Variants in SUPT16H observed in about 807,000 individuals in gnomAD.
The protein encoded by SUPT16H is FACT complex subunit SPT16.
SUPT16H carries 24 observed loss-of-function variants against 136.2 expected under a neutral mutation model. That is an observed-to-expected ratio of 0.18 (90% confidence interval 0.13 to 0.25). The LOEUF (loss-of-function observed/expected upper bound fraction) is 0.25, where lower values mean the gene tolerates loss of function less well. Among genes scored for constraint, SUPT16H ranks in the 10% least tolerant of loss-of-function variants. SUPT16H has a pLI of 1.00. For missense variants in SUPT16H, 623 were observed against 1,270.2 expected, an observed-to-expected ratio of 0.49 and a Z score of 7.74; for synonymous variants, 415 against 428.2, an observed-to-expected ratio of 0.97 and a Z score of 0.38.
Position 21,363,254 on chromosome 14 carries a change from T to C in SUPT16H, c.1374A>G (p.Ala458=), listed in dbSNP as rs754182349. Residue 458 remains alanine, a synonymous_variant, in exon 12 of 26, where the codon GCA becomes GCG. Coordinates refer to ENST00000216297, the MANE Select transcript of SUPT16H (RefSeq NM_007192.4). ...EDLLGRGSRA[A]LLTERTRNEM... ...TTACTCTTGTTCTTTCTGTAAGTAA[T>C]GCTGCCCGAGAACCTCTTCCCAAAA... The C allele has an allele frequency of 1.9e-6, 3 of 1,614,066 alleles. No homozygotes were observed. The highest frequency in any genetic ancestry group is 1.7e-5 in the Admixed American group (1 of 60,006).
intron 19 of SUPT16H, 152 bp downstream of exon 19, chr14:21,359,332 G>C (rs1886502222): frequency 9.8e-7 from 1 of 1,022,984 alleles, no homozygotes; most frequent in Admixed American, 2.7e-5. Flanking sequence ...TGACCCTCAG[G>C]TGATCTGCCC....
intron 1 of SUPT16H, among the ~76,000 whole-genome samples, chr14:21,375,662 C>T (rs1340591698): frequency 3.3e-5 from 5 of 152,104 alleles, no homozygotes; most frequent in African/African-American, 7.2e-5. Context: ...GGCACGATCT[C>T]GGCTCACTGC....
intron 20 of SUPT16H, 50 bp from the exon 21 acceptor site, chr14:21,358,052 C>T: frequency 1.3e-6 from 2 of 1,517,402 alleles, no homozygotes; most frequent in Non-Finnish European, 1.8e-6. Flanking sequence ...AGAGACTGCT[C>T]CTACCACAAC....
At position 21,365,410 on chromosome 14, in the gene SUPT16H, C is replaced by G. The variant is rs1339880473; in HGVS notation, c.1047-267G>C. On this transcript the variant is annotated intron_variant, in intron 8 of 25. Transcript: ENST00000216297. ...TTATTTGCCCACATTTAAACTTTAA[C>G]CTTCTACCATAAAATCAAGTCAGTA... 2.0e-5 allele frequency among the ~76,000 whole-genome samples: 3 copies of G among 152,074 alleles called. No individual in the cohort carries two copies. In the East Asian group the frequency reaches 5.8e-4, roughly 29 times the overall value.
At chr14:21,358,063 AGACAAAC>A (rs1886473087) in intron 20 of SUPT16H, 61 bp from the exon 21 acceptor site, 1 of 1,460,654 alleles carries the variant, frequency 6.8e-7, no homozygotes, top group Non-Finnish European at 9.6e-7. Flanking sequence ...CTACCACAAC[AGACAAAC>A]TTCTTCCCTC....
At chr14:21,372,117 A>G in intron 2 of SUPT16H, 73 bp from the exon 3 acceptor site, 1 of 1,463,868 alleles carries the variant, frequency 6.8e-7, no homozygotes, top group Non-Finnish European at 9.1e-7. Flanking sequence ...GATATACAGA[A>G]ATACTTATAG....
intron 6 of SUPT16H, among the ~76,000 whole-genome samples, 198 bp from the exon 7 acceptor site, chr14:21,368,639 AC>A (rs914382687): frequency 1.6e-4 from 24 of 152,210 alleles, no homozygotes; most frequent in African/African-American, 5.8e-4. Flanking sequence ...AAAGTCAGTG[AC>A]CAAAACTTTT....
intron 22 of SUPT16H, among the ~76,000 whole-genome samples, chr14:21,356,972 G>T (rs995293846): frequency 6.6e-6 from 1 of 152,138 alleles, no homozygotes; most frequent in Non-Finnish European, 1.5e-5. Flanking sequence ...CTTAGATTTT[G>T]ATTTTCTTTG....
At position 21,352,824 on chromosome 14, in the gene SUPT16H, T is replaced by C. The variant is rs1472804207; in HGVS notation, c.2999-6A>G. 2 of 1,613,994 alleles carry C rather than the reference T, an allele frequency of 1.2e-6. No individual in the cohort carries two copies. The highest frequency in any genetic ancestry group is 2.7e-5 in the African/African-American group (2 of 74,908). On this transcript the variant is annotated splice_region_variant and splice_polypyrimidine_tract_variant and intron_variant, in intron 25 of 25. Coordinates refer to ENST00000216297, the MANE Select transcript of SUPT16H (RefSeq NM_007192.4). ...GTAACGACTTTCTCGGTCCGCTAAATAGAAGAGGCATTATTAGTTAGCAAT... is the reference window on the plus strand; with the variant it reads ...GTAACGACTTTCTCGGTCCGCTAAACAGAAGAGGCATTATTAGTTAGCAAT...
In SUPT16H at chr14:21,352,656, G is replaced by A. The variant is rs1158803668; in HGVS notation, c.*17C>T. ...TTGGCTGGAGGAAGAATGGAGCTCAGGGCCAAAGTTCAGAAGTTACTTCCT... is the reference window on the plus strand; with the variant it reads ...TTGGCTGGAGGAAGAATGGAGCTCAAGGCCAAAGTTCAGAAGTTACTTCCT... On this transcript the variant is annotated 3_prime_UTR_variant, in exon 26 of 26. Coordinates refer to ENST00000216297, the MANE Select transcript of SUPT16H (RefSeq NM_007192.4). 2.5e-6 allele frequency: 4 copies of A among 1,613,730 alleles called. No individual in the cohort carries two copies. In the South Asian group the frequency reaches 4.4e-5, roughly 18 times the overall value.
chr14:21,360,306 G>C lies in SUPT16H; in HGVS notation c.2175+109C>G, dbSNP rs1211939723. ...GCCTCCCAAAGTGCTGGGATTGTGGGCATGAGCCACCGCGCCCAGCCCTTT... is the reference window on the plus strand; with the variant it reads ...GCCTCCCAAAGTGCTGGGATTGTGGCCATGAGCCACCGCGCCCAGCCCTTT... On this transcript the variant is annotated intron_variant, in intron 18 of 25. Coordinates refer to ENST00000216297, the MANE Select transcript of SUPT16H (RefSeq NM_007192.4). The C allele has an allele frequency of 3.6e-6, 3 of 835,246 alleles. No homozygotes were observed. The African/African-American group carries it at 5.2e-5, about 15-fold the overall frequency. 51.7% of individuals were successfully genotyped at this position (835,246 alleles called of 1,614,324 possible).
rs60476539 is a variant in SUPT16H at position 21,376,547 on chromosome 14, T to C, written c.67-3117A>G. 4.6e-3 allele frequency among the ~76,000 whole-genome samples: 699 copies of C among 152,298 alleles called. 2 individuals carry two copies. The highest frequency in any genetic ancestry group is 0.014 in the African/African-American group (577 of 41,566). Reference sequence around the variant, plus strand: ...CATAGAAATTATATGCCTTTTCTCATTGATTTTCAGTAAGAAATGTTTTCC... The same window carrying C: ...CATAGAAATTATATGCCTTTTCTCACTGATTTTCAGTAAGAAATGTTTTCC... On this transcript the variant is annotated intron_variant, in intron 1 of 25. Transcript: ENST00000216297.
rs761022577 is a variant in SUPT16H at position 21,369,852 on chromosome 14, C to G, written c.528G>C (p.Glu176Asp). 1.2e-6 allele frequency: 2 copies of G among 1,614,026 alleles called. No individual in the cohort carries two copies. The highest frequency in any genetic ancestry group is 4.5e-5 in the East Asian group (2 of 44,888). ...TCTTCATTAGGTTGAGCTCCCCATCCTCCTTTACAGCGATGGTATATGCCA... is the reference window on the plus strand; with the variant it reads ...TCTTCATTAGGTTGAGCTCCCCATCGTCCTTTACAGCGATGGTATATGCCA... ...AVVAYTIAVK[E>D]DGELNLMKKA... The change falls in exon 5 of 26, where the codon GAG becomes GAC. Residue 176 changes from glutamate to aspartate, a missense_variant. Glu to Asp is a conservative substitution (Grantham distance 45, BLOSUM62 2). This residue lies in a region of SUPT16H where 343 missense variants were observed against 525.7 expected (regional missense o/e 0.65). Transcript: ENST00000216297.
intron 6 of SUPT16H, among the ~76,000 whole-genome samples, chr14:21,368,713 T>C (rs1886724536): frequency 6.6e-6 from 1 of 152,224 alleles, no homozygotes; most frequent in African/African-American, 2.4e-5. Flanking sequence ...TATCCTGAAT[T>C]GTATCCATTA....
At chr14:21,375,161 C>T (rs527905665) in intron 1 of SUPT16H, among the ~76,000 whole-genome samples, 1 of 152,184 alleles carries the variant, frequency 6.6e-6, no homozygotes, top group East Asian at 1.9e-4. Flanking sequence ...TTCAGGTATG[C>T]ACCACCACGC....
chr14:21,369,169 C>G (rs1209855261), intron 6 of SUPT16H, 35 bp downstream of exon 6: 1 of 1,578,784 alleles, frequency 6.3e-7, no homozygotes, highest in South Asian at 1.2e-5. Context: ...AGGCTAAAGT[C>G]AAAATGCTAT....
intron 11 of SUPT16H, 38 bp downstream of exon 11, chr14:21,363,400 C>A (rs777740881): frequency 6.2e-7 from 1 of 1,609,676 alleles, no homozygotes; most frequent in South Asian, 1.1e-5. Flanking sequence ...TTCTTTATAT[C>A]CTAAACTTCC....
chr14:21,352,793 T>C lies in SUPT16H; in HGVS notation c.3024A>G (p.Glu1008=), dbSNP rs1434535475. ...TCATACTTCGACTTTGTTCTTCTTC[T>C]TCCTCGTAACGACTTTCTCGGTCCG... is the stretch of plus-strand genomic sequence containing the variant. The part of the protein sequence containing the change: ...RKADRESRYE[E]EEEQSRSMSR... Residue 1008 remains glutamate, a synonymous_variant, in exon 26 of 26, where the codon GAA becomes GAG. Transcript: ENST00000216297. The C allele has an allele frequency of 3.1e-6, 5 of 1,614,074 alleles. 1 individual carries two copies. The South Asian group carries it at 5.5e-5, about 18-fold the overall frequency.
chr14:21,378,654 G>A (rs906099894), intron 1 of SUPT16H, among the ~76,000 whole-genome samples: 22 of 152,098 alleles, frequency 1.4e-4, no homozygotes, highest in African/African-American at 5.3e-4. Context: ...TGAGTGTGAT[G>A]ACACAAAGAA....
Sources: allele counts gnomAD v4.1 joint callset (sites outside exome capture counted in the v4.1 genomes callset), GRCh38; gene constraint gnomAD v4.1.1; regional missense constraint gnomAD v4.1.1; transcripts MANE v1.5; gene names NCBI Gene and HGNC (gene_info 2026-07-23, HGNC 2026-07-21).